The following FAM184A variants were observed in gnomAD, a reference collection of about 807,000 sequenced individuals.
FAM184A encodes the protein protein FAM184A.
In FAM184A, 99 loss-of-function variants were observed where a neutral mutation model predicts 143.8. The ratio of observed to expected loss-of-function variants is 0.69; its 90% CI spans 0.58 to 0.81. FAM184A has a LOEUF of 0.81. Among genes scored for constraint, FAM184A ranks in the 40% least tolerant of loss-of-function variants. The probability of loss-of-function intolerance (pLI) is 0.00; values close to 1 mark genes in which losing one functional copy is unlikely to be tolerated. For missense variants in FAM184A, 1,217 were observed against 1,310.5 expected (o/e 0.93, Z 1.10); for synonymous variants, 427 against 446.4 (o/e 0.96, Z 0.55).
At chr6:119,094,825 A>G (rs1048602640) in intron 1 of FAM184A, among the ~76,000 whole-genome samples, 2 of 152,160 alleles carry the variant, frequency 1.3e-5, no homozygotes, top group African/African-American at 4.8e-5. Flanking sequence ...ATTGGGCTCA[A>G]GCCTTCCGAG....
intron 1 of FAM184A, among the ~76,000 whole-genome samples, chr6:119,117,438 G>A (rs932729863): frequency 6.6e-6 from 1 of 152,178 alleles, no homozygotes; most frequent in Non-Finnish European, 1.5e-5. Flanking sequence ...TTGTCAGTAG[G>A]CCATACTGCC....
At chr6:119,065,990 A>G (rs896268926) in intron 1 of FAM184A, among the ~76,000 whole-genome samples, 2 of 152,222 alleles carry the variant, frequency 1.3e-5, no homozygotes, top group Non-Finnish European at 2.9e-5. Flanking sequence ...ATCTTTGCAG[A>G]CAAGTAAGTT....
At chr6:119,077,483 T>C (rs764213034) in intron 1 of FAM184A, among the ~76,000 whole-genome samples, 2 of 152,224 alleles carry the variant, frequency 1.3e-5, no homozygotes, top group Non-Finnish European at 2.9e-5. Flanking sequence ...TTCACTAATT[T>C]AGGTACAGTC....
intron 1 of FAM184A, among the ~76,000 whole-genome samples, chr6:119,060,129 C>T (rs1787171382): frequency 6.6e-6 from 1 of 152,106 alleles, no homozygotes; most frequent in Admixed American, 6.5e-5. Context: ...TAGTTAAAAC[C>T]AGGTACTGTT....
chr6:119,148,490 C>T (rs1019042831), intron 1 of FAM184A, among the ~76,000 whole-genome samples: 2 of 152,202 alleles, frequency 1.3e-5, no homozygotes, highest in African/African-American at 4.8e-5. Context: ...GTCCCCACGG[C>T]CAAGTCCAAC....
intron 1 of FAM184A, among the ~76,000 whole-genome samples, chr6:119,118,192 C>T (rs1789112489): frequency 6.6e-6 from 1 of 152,134 alleles, no homozygotes; most frequent in Admixed American, 6.5e-5. Flanking sequence ...TAATGAAAAA[C>T]TGGAGTGAAT....
chr6:119,067,720 C>A (rs1216228667), intron 1 of FAM184A, among the ~76,000 whole-genome samples: 2 of 152,172 alleles, frequency 1.3e-5, no homozygotes, highest in African/African-American at 4.8e-5. Flanking sequence ...AATACAACGA[C>A]CACGAATAAT....
chr6:118,986,284 C>T (rs955099426), intron 9 of FAM184A, among the ~76,000 whole-genome samples: 48 of 151,856 alleles, frequency 3.2e-4, no homozygotes, highest in African/African-American at 1.2e-3. Flanking sequence ...CAGAGCGAGA[C>T]TCCGTCTCCG....
intron 1 of FAM184A, among the ~76,000 whole-genome samples, chr6:119,114,817 C>T (rs1789017320): frequency 6.6e-6 from 1 of 152,078 alleles, no homozygotes; most frequent in Admixed American, 6.6e-5. Flanking sequence ...CTTGGCCTCC[C>T]AAAATGCTAG....
intron 6 of FAM184A, among the ~76,000 whole-genome samples, chr6:119,008,350 G>A (rs1192871573): frequency 6.6e-6 from 1 of 152,156 alleles, no homozygotes; most frequent in Admixed American, 6.5e-5. Flanking sequence ...CATGGTTTAA[G>A]CTTATCTAGT....
At chr6:119,104,299 G>A (rs1788719980) in intron 1 of FAM184A, among the ~76,000 whole-genome samples, 1 of 152,162 alleles carries the variant, frequency 6.6e-6, no homozygotes, top group Non-Finnish European at 1.5e-5. Context: ...GAGCCACCAT[G>A]CCTGGCCAAC....
intron 1 of FAM184A, among the ~76,000 whole-genome samples, chr6:119,098,934 A>C (rs1788575792): frequency 6.6e-6 from 1 of 151,910 alleles, no homozygotes; most frequent in African/African-American, 2.4e-5. Flanking sequence ...ATATGATGAA[A>C]CCCCATCTCT....
chr6:118,998,588 GCT>G (rs1436133441), intron 9 of FAM184A, among the ~76,000 whole-genome samples: 1 of 152,222 alleles, frequency 6.6e-6, no homozygotes, highest in African/African-American at 2.4e-5. Flanking sequence ...AGTAAAGAAA[GCT>G]CTTTTTGTGG....
intron 1 of FAM184A, among the ~76,000 whole-genome samples, chr6:119,063,382 C>T (rs1357228490): frequency 6.6e-6 from 1 of 152,186 alleles, no homozygotes; most frequent in Non-Finnish European, 1.5e-5. Flanking sequence ...CACATGACTG[C>T]AGAACATACT....
intron 1 of FAM184A, among the ~76,000 whole-genome samples, chr6:119,077,248 T>C (rs1361467233): frequency 2.0e-5 from 3 of 152,138 alleles, no homozygotes; most frequent in Non-Finnish European, 4.4e-5. Flanking sequence ...ACGATGCCCA[T>C]CTCTCTTCAG....
intron 1 of FAM184A, among the ~76,000 whole-genome samples, chr6:119,112,353 C>A (rs183535195): frequency 6.6e-6 from 1 of 152,256 alleles, no homozygotes; most frequent in Admixed American, 6.5e-5. Context: ...GTCTCGAACT[C>A]CCAACCTCAG....
upstream of FAM184A, among the ~76,000 whole-genome samples, chr6:119,079,748 G>A (rs1398798996): frequency 3.9e-5 from 6 of 152,134 alleles, no homozygotes; most frequent in Non-Finnish European, 1.5e-5. Flanking sequence ...TAACAAACTA[G>A]AGAGCCGAAT....
chr6:119,018,197 CAT>C (rs1491115728), intron 4 of FAM184A, among the ~76,000 whole-genome samples: 1 of 152,022 alleles, frequency 6.6e-6, no homozygotes, highest in Non-Finnish European at 1.5e-5. Context: ...TGTGCGTGTG[CAT>C]GTGTGTGTGT....
At chr6:119,047,970 A>G (rs1408949468) in intron 1 of FAM184A, among the ~76,000 whole-genome samples, 2 of 152,228 alleles carry the variant, frequency 1.3e-5, no homozygotes, top group African/African-American at 4.8e-5. Context: ...ACACCAGTGC[A>G]AAAATCCTTA....
Sources: gnomAD v4.1 joint callset for allele counts (sites outside exome capture counted in the v4.1 genomes callset) on GRCh38, gnomAD v4.1.1 for gene constraint, MANE v1.5 for transcripts, NCBI Gene and HGNC (gene_info 2026-07-23, HGNC 2026-07-21) for gene names.